The following AZIN2 variants were observed in gnomAD, a reference collection of about 807,000 sequenced individuals.
AZIN2 encodes the protein antizyme inhibitor 2, also known as ODC antizyme inhibitor-2.
AZIN2 carries 28 observed loss-of-function variants against 47.8 expected under a neutral mutation model. The observed-to-expected ratio is 0.59, with a 90% CI of 0.43 to 0.80. AZIN2 has a LOEUF of 0.80. Among genes scored for constraint, AZIN2 ranks in the 30% least tolerant of loss-of-function variants. The pLI, the probability that AZIN2 is intolerant of heterozygous loss-of-function variation, is 0.00. For missense variants in AZIN2, 535 were observed against 582.5 expected, an observed-to-expected ratio of 0.92 and a Z score of 0.84; for synonymous variants, 221 against 239.4, an observed-to-expected ratio of 0.92 and a Z score of 0.71.
Position 33,120,149 on chromosome 1 carries a change from G to A in AZIN2, c.1350G>A (p.Val450=), listed in dbSNP as rs1644755469. The A allele has an allele frequency of 3.7e-6, 6 of 1,613,460 alleles. No individual in the cohort carries two copies. The highest frequency in any genetic ancestry group is 5.1e-6 in the Non-Finnish European group (6 of 1,179,506). The change falls in exon 12 of 12, where the codon GTG becomes GTA. Residue 450 remains valine, a synonymous_variant. Transcript: ENST00000294517. ...CGWEITDTLC[V]GPVFTPASIM ...GGGAGATCACAGACACCCTGTGCGT[G>A]GGCCCTGTCTTCACCCCAGCGAGCA... is the stretch of plus-strand genomic sequence containing the variant.
chr1:33,153,115 C>T, the AZIN2 span, among the ~76,000 whole-genome samples: 1 of 152,026 alleles, frequency 6.6e-6, no homozygotes, highest in Non-Finnish European at 1.5e-5. Context: ...TCAGGTGACC[C>T]AATAGGAAGC....
intron 10 of AZIN2, among the ~76,000 whole-genome samples, chr1:33,100,565 G>A (rs953372602): frequency 1.7e-5 from 2 of 118,324 alleles, no homozygotes; most frequent in African/African-American, 5.2e-5. Flanking sequence ...ATAGAAACAC[G>A]TGTGTGTGTG....
At chr1:33,091,640 G>A (rs907557943) in intron 5 of AZIN2, among the ~76,000 whole-genome samples, 5 of 152,002 alleles carry the variant, frequency 3.3e-5, no homozygotes, top group Non-Finnish European at 5.9e-5. Context: ...CTGTTGTCAG[G>A]GCTACCATGA....
the AZIN2 span, among the ~76,000 whole-genome samples, chr1:33,157,127 C>T: frequency 3.0e-4 from 46 of 152,200 alleles, no homozygotes; most frequent in East Asian, 6.4e-3. Flanking sequence ...TCCACTGGCT[C>T]TCATCTCACT....
At chr1:33,082,843 C>T (rs182535121) in intron 4 of AZIN2, 4 of 158,956 alleles carry the variant, frequency 2.5e-5, no homozygotes, top group Non-Finnish European at 5.6e-5. Flanking sequence ...CTCCATAGCC[C>T]CATTCCCAGC....
At chr1:33,148,808 C>A in the AZIN2 span, among the ~76,000 whole-genome samples, 1 of 152,162 alleles carries the variant, frequency 6.6e-6, no homozygotes, top group Non-Finnish European at 1.5e-5. Flanking sequence ...AGATTGAAAA[C>A]CATGAATTCT....
rs376999491 is a variant in AZIN2 at position 33,122,015 on chromosome 1, A to G, written c.*1833A>G. 2.9e-4 allele frequency among the ~76,000 whole-genome samples: 44 copies of G among 152,318 alleles called. No homozygotes were observed. Among genetic ancestry groups the G allele is most frequent in the African/African-American group, 8.7e-4 (36 of 41,576 alleles). On this transcript the variant is annotated 3_prime_UTR_variant, in exon 12 of 12. Coordinates refer to ENST00000294517, the MANE Select transcript of AZIN2 (RefSeq NM_052998.4). The stretch of plus-strand genomic sequence containing the variant: ...GAAAGCTTGGGACATCAAAAGACTC[A>G]GGGCAATCAGAAAGGGTTACTCTAC...
the AZIN2 span, among the ~76,000 whole-genome samples, chr1:33,128,975 G>T: frequency 6.6e-6 from 1 of 152,188 alleles, no homozygotes; most frequent in Non-Finnish European, 1.5e-5. Context: ...TGCCGGCCAG[G>T]ATTAGGACAG....
At chr1:33,103,425 T>C (rs1409307879) in intron 10 of AZIN2, among the ~76,000 whole-genome samples, 1 of 152,138 alleles carries the variant, frequency 6.6e-6, no homozygotes, top group African/African-American at 2.4e-5. Context: ...CAGAATGCTC[T>C]TCCACTCACC....
At chr1:33,149,406 G>A in the AZIN2 span, among the ~76,000 whole-genome samples, 2 of 145,080 alleles carry the variant, frequency 1.4e-5, no homozygotes, top group South Asian at 2.2e-4. Context: ...TGCCCACCTC[G>A]GCCTCCCAAA....
intron 10 of AZIN2, among the ~76,000 whole-genome samples, chr1:33,114,503 G>A (rs1255337749): frequency 2.0e-5 from 3 of 151,062 alleles, no homozygotes; most frequent in East Asian, 3.9e-4. Context: ...ACAGGCGCCC[G>A]CCACCATGCC....
Position 33,117,986 on chromosome 1 carries a change from T to C in AZIN2, c.1114T>C (p.Trp372Arg), listed in dbSNP as rs779531530. ...DGCDCVAEGL[W>R]LPQLHVGDWL... ...CTGTGATTGCGTGGCTGAGGGCCTGTGGCTGCCGCAACTACACGTAGGGGA... is the reference window on the plus strand; with the variant it reads ...CTGTGATTGCGTGGCTGAGGGCCTGCGGCTGCCGCAACTACACGTAGGGGA... Residue 372 changes from tryptophan (W) to arginine (R), a missense_variant, in exon 11 of 12, where the codon TGG becomes CGG. Transcript: ENST00000294517. 4 of 1,610,684 alleles carry C rather than the reference T, an allele frequency of 2.5e-6. No homozygotes were observed. In the Admixed American group the frequency reaches 6.7e-5, roughly 27 times the overall value.
chr1:33,118,099 C>T lies in AZIN2; in HGVS notation c.1227C>T (p.Ala409=). 6.6e-7 allele frequency: 1 copy of T among 1,513,070 alleles called. No individual in the cohort carries two copies. Among genetic ancestry groups the T allele is most frequent in the South Asian group, 1.3e-5 (1 of 74,672 alleles). The allele number at this position is 1,513,070 out of a possible 1,614,324, so 93.7% of individuals were successfully genotyped here. ...WGTQACHITY[A]MSRVAWEALR... ...CCCAGGCCTGCCACATCACCTATGC[C>T]ATGTCCCGGGTGGCCTGGTAAGAGG... The change falls in exon 11 of 12, where the codon GCC becomes GCT. Residue 409 remains alanine, a synonymous_variant. Coordinates refer to ENST00000294517, the MANE Select transcript of AZIN2 (RefSeq NM_052998.4).
At chr1:33,099,942 G>T (rs1236607649) in intron 10 of AZIN2, among the ~76,000 whole-genome samples, 2 of 152,150 alleles carry the variant, frequency 1.3e-5, no homozygotes, top group East Asian at 1.9e-4. Context: ...CCCAAAGAAG[G>T]TCCCCTTACA....
intron 4 of AZIN2, chr1:33,082,678 T>C (rs1444618221): frequency 8.8e-6 from 2 of 226,848 alleles, no homozygotes; most frequent in Non-Finnish European, 1.8e-5. Context: ...AGTGTGCTTA[T>C]GTGGAACCTC....
intron 10 of AZIN2, among the ~76,000 whole-genome samples, chr1:33,114,855 C>T (rs1478966485): frequency 6.6e-6 from 1 of 151,568 alleles, no homozygotes; most frequent in Non-Finnish European, 1.5e-5. Flanking sequence ...GTTGGCCAGG[C>T]TGGCCTCAAA....
the AZIN2 span, chr1:33,141,929 C>A: frequency 6.5e-6 from 1 of 153,570 alleles, no homozygotes; most frequent in South Asian, 2.1e-4. Context: ...AAAATGAACA[C>A]ATTTCAAAAT....
At chr1:33,152,230 A>G in the AZIN2 span, among the ~76,000 whole-genome samples, 2 of 152,174 alleles carry the variant, frequency 1.3e-5, no homozygotes, top group African/African-American at 4.8e-5. Context: ...GTCTTTTCAC[A>G]TCATGCTCTT....
chr1:33,122,810 A>T lies in AZIN2; in HGVS notation c.*2628A>T, dbSNP rs1230356611. 6.6e-6 allele frequency among the ~76,000 whole-genome samples: 1 copy of T among 151,122 alleles called. No homozygotes were observed. The highest frequency in any genetic ancestry group is 1.5e-5 in the Non-Finnish European group (1 of 67,816). On this transcript the variant is annotated 3_prime_UTR_variant, in exon 12 of 12. Transcript: ENST00000294517. The stretch of plus-strand genomic sequence containing the variant: ...TGAAGCCCCTCCTGCGCGCACACTC[A>T]CTCTCTCTCATTCTCTCCTTCAAGG...
Sources: allele counts gnomAD v4.1 joint callset (sites outside exome capture counted in the v4.1 genomes callset), GRCh38; gene constraint gnomAD v4.1.1; transcripts MANE v1.5; gene names NCBI Gene and HGNC (gene_info 2026-07-23, HGNC 2026-07-21).